Variants in NRXN3 observed in about 807,000 individuals in gnomAD.
NRXN3 encodes neurexin 3.
A neutral mutation model predicts 137.6 loss-of-function variants in NRXN3; 32 were observed. The observed-to-expected ratio is 0.23, with a 90% confidence interval of 0.18 to 0.31. The LOEUF is 0.31. NRXN3 is among the 10% of genes least tolerant of loss of function. The probability of loss-of-function intolerance (pLI) is 1.00; values close to 1 mark genes in which losing one functional copy is unlikely to be tolerated. For synonymous variants in NRXN3, 798 were observed against 784.5 expected (o/e 1.02, Z -0.29); for missense variants, 1,574 against 2,062.5 (o/e 0.76, Z 4.59).
chr14:78,223,444 A>G (rs1191946498), intron 1 of NRXN3, among the ~76,000 whole-genome samples: 1 of 152,202 alleles, frequency 6.6e-6, no homozygotes, highest in African/African-American at 2.4e-5. Flanking sequence ...TTTGAAGGTC[A>G]TTCCCCTCCC....
At chr14:79,387,810 T>G (rs1453307324) in intron 15 of NRXN3, among the ~76,000 whole-genome samples, 1 of 151,852 alleles carries the variant, frequency 6.6e-6, no homozygotes, top group African/African-American at 2.4e-5. Context: ...TGTAGCGACA[T>G]GGATGAAGCT....
intron 4 of NRXN3, among the ~76,000 whole-genome samples, chr14:78,615,414 C>A (rs1310062053): frequency 1.4e-5 from 2 of 143,738 alleles, no homozygotes; most frequent in African/African-American, 5.3e-5. Context: ...TCCTAGCTAA[C>A]ACGGTGAAAC....
intron 16 of NRXN3, among the ~76,000 whole-genome samples, chr14:79,533,055 C>G (rs929220673): frequency 1.4e-5 from 2 of 143,660 alleles, no homozygotes; most frequent in African/African-American, 5.2e-5. Flanking sequence ...CCAATATTTA[C>G]CTGCATCACA....
At chr14:78,978,369 A>G (rs967445695) in intron 14 of NRXN3, among the ~76,000 whole-genome samples, 3 of 152,160 alleles carry the variant, frequency 2.0e-5, no homozygotes, top group Non-Finnish European at 2.9e-5. Context: ...TGTTCTATAA[A>G]ATGTGACCTA....
chr14:78,619,756 A>G (rs1395669521), intron 4 of NRXN3, among the ~76,000 whole-genome samples: 4 of 152,096 alleles, frequency 2.6e-5, no homozygotes, highest in Non-Finnish European at 5.9e-5. Context: ...TTCCCAAGCC[A>G]TGCTGAAATG....
chr14:78,340,775 A>G (rs957741323), intron 4 of NRXN3, among the ~76,000 whole-genome samples: 28 of 152,194 alleles, frequency 1.8e-4, no homozygotes, highest in African/African-American at 6.0e-4. Flanking sequence ...TGGTCAAAGC[A>G]AGTCTAAAGG....
chr14:78,424,236 G>A (rs1431697314), intron 4 of NRXN3, among the ~76,000 whole-genome samples: 1 of 152,122 alleles, frequency 6.6e-6, no homozygotes, highest in Non-Finnish European at 1.5e-5. Flanking sequence ...CCTGCAGTGG[G>A]CACCCTTAAG....
chr14:79,789,495 A>G lies in NRXN3; in HGVS notation c.4015-15617A>G, dbSNP rs192459080. ...AAAGTAAAGGAATAAAAGATTGGCT[A>G]CTTCATAGACAGAGCATCCCCAAGG... is the stretch of plus-strand genomic sequence containing the variant. On this transcript the variant is annotated intron_variant, in intron 19 of 20. Transcript: ENST00000335750. 1.2e-3 allele frequency among the ~76,000 whole-genome samples: 176 copies of G among 152,270 alleles called. 6 individuals carry two copies. In the East Asian group the frequency reaches 0.028, roughly 24 times the overall value.
At chr14:79,821,906 T>C (rs536251674) in intron 20 of NRXN3, among the ~76,000 whole-genome samples, 116 of 152,234 alleles carry the variant, frequency 7.6e-4, no homozygotes, top group African/African-American at 2.7e-3. Flanking sequence ...ATTGATATTA[T>C]ATATTAAGAT....
At chr14:79,168,341 G>A (rs1161794518) in intron 15 of NRXN3, among the ~76,000 whole-genome samples, 1 of 151,792 alleles carries the variant, frequency 6.6e-6, no homozygotes, top group Non-Finnish European at 1.5e-5. Context: ...GTTGTTAGAG[G>A]GAGATAGTTG....
chr14:78,827,093 T>C (rs1233695523), intron 10 of NRXN3, among the ~76,000 whole-genome samples: 2 of 152,172 alleles, frequency 1.3e-5, no homozygotes, highest in East Asian at 1.9e-4. Context: ...TCCTCAGATA[T>C]TCAATTGTGA....
At chr14:79,597,897 A>T (rs1343215089) in intron 16 of NRXN3, among the ~76,000 whole-genome samples, 1 of 152,234 alleles carries the variant, frequency 6.6e-6, no homozygotes, top group Non-Finnish European at 1.5e-5. Context: ...AACCAGGCAG[A>T]TTAACCTCAA....
intron 16 of NRXN3, among the ~76,000 whole-genome samples, chr14:79,557,812 G>A (rs1362823161): frequency 6.6e-6 from 1 of 152,036 alleles, no homozygotes. Context: ...AAAGTTTGGT[G>A]CATCAACTGA....
At chr14:79,584,672 G>A (rs1358045354) in intron 16 of NRXN3, among the ~76,000 whole-genome samples, 1 of 152,192 alleles carries the variant, frequency 6.6e-6, no homozygotes, top group African/African-American at 2.4e-5. Context: ...ACTGCTATGG[G>A]TACAGCTTTA....
chr14:78,348,060 A>G (rs1332522753), intron 4 of NRXN3, among the ~76,000 whole-genome samples: 2 of 152,146 alleles, frequency 1.3e-5, no homozygotes, highest in Non-Finnish European at 2.9e-5. Context: ...GATTAACTGA[A>G]TCACTCTAGG....
At chr14:79,497,525 T>G (rs2096779152) in intron 16 of NRXN3, among the ~76,000 whole-genome samples, 1 of 152,170 alleles carries the variant, frequency 6.6e-6, no homozygotes, top group South Asian at 2.1e-4. Flanking sequence ...TCCCTTACCC[T>G]GCCTTACTTT....
intron 15 of NRXN3, among the ~76,000 whole-genome samples, chr14:79,286,649 C>T (rs1214027146): frequency 1.3e-5 from 2 of 151,062 alleles, no homozygotes; most frequent in African/African-American, 2.4e-5. Context: ...CTGTTTGTTT[C>T]TGTGCTCAAA....
chr14:78,669,908 C>T (rs559268067), intron 6 of NRXN3, among the ~76,000 whole-genome samples: 4 of 152,028 alleles, frequency 2.6e-5, no homozygotes, highest in South Asian at 4.2e-4. Context: ...ATGTGCAGAA[C>T]GTACAGTTTT....
intron 6 of NRXN3, among the ~76,000 whole-genome samples, chr14:78,655,065 CTA>C (rs1170821329): frequency 6.6e-6 from 1 of 152,110 alleles, no homozygotes; most frequent in Non-Finnish European, 1.5e-5. Flanking sequence ...TTAGAAAAGG[CTA>C]TGAGGGAGAC....
Sources: gnomAD v4.1 joint callset for allele counts (sites outside exome capture counted in the v4.1 genomes callset) on GRCh38, gnomAD v4.1.1 for gene constraint, MANE v1.5 for transcripts, NCBI Gene and HGNC (gene_info 2026-07-23, HGNC 2026-07-21) for gene names.